Variants in AKAP9 observed in about 807,000 individuals in gnomAD.
The protein encoded by AKAP9 is A-kinase anchoring protein 9, also known as A-kinase anchor protein 9.
Under a neutral mutation model 488.5 loss-of-function variants are expected in AKAP9, and 311 were observed. The ratio of observed to expected loss-of-function variants is 0.64; its 90% CI spans 0.58 to 0.70. The LOEUF is 0.70. Among genes scored for constraint, AKAP9 ranks in the 30% least tolerant of loss-of-function variants. The pLI, the probability that AKAP9 is intolerant of heterozygous loss-of-function variation, is 0.00. For synonymous variants in AKAP9, 1,462 were observed against 1,483.5 expected (o/e 0.99, Z 0.33); for missense variants, 4,215 against 4,374.5 (o/e 0.96, Z 1.03).
chr7:92,102,807 G>A lies in AKAP9; in HGVS notation c.11311G>A (p.Val3771Ile), dbSNP rs758115766. ...GFTRFRSAVR[V>I]SIAISRMKFL... ...CACCAGGTTTCGGTCGGCCGTCAGAGTATCCATTGCAATTTCCAGGTAAAG... is the reference window on the plus strand; with the variant it reads ...CACCAGGTTTCGGTCGGCCGTCAGAATATCCATTGCAATTTCCAGGTAAAG... The change falls in exon 46 of 50, where the codon GTA (valine) becomes ATA (isoleucine). Residue 3771 changes from valine to isoleucine, a missense_variant. Around this residue, in one of 5 missense-constraint regions of AKAP9, gnomAD observed 253 missense variants for 266.8 expected, o/e 0.95. Transcript: ENST00000356239. 3.1e-6 allele frequency: 5 copies of A among 1,613,998 alleles called. No homozygotes were observed. In the Admixed American group the frequency reaches 6.7e-5, roughly 22 times the overall value.
intron 1 of AKAP9, among the ~76,000 whole-genome samples, chr7:91,944,054 T>C (rs1048376523): frequency 6.6e-6 from 1 of 152,206 alleles, no homozygotes; most frequent in Non-Finnish European, 1.5e-5. Flanking sequence ...GTTTGTCATG[T>C]ATGCAGTATA....
At chr7:92,045,561 T>G (rs776127544) in intron 21 of AKAP9, among the ~76,000 whole-genome samples, 1 of 152,192 alleles carries the variant, frequency 6.6e-6, no homozygotes, top group Admixed American at 6.5e-5. Flanking sequence ...TCCTATAGAT[T>G]AAGGAAAGAT....
chr7:91,995,839 C>T (rs760014024), intron 7 of AKAP9, 39 bp downstream of exon 7: 3 of 1,492,788 alleles, frequency 2.0e-6, no homozygotes, highest in Non-Finnish European at 2.7e-6. Context: ...CTTGTAGAAG[C>T]TTTAGAGTTT....
chr7:92,083,738 G>A, intron 33 of AKAP9, 83 bp downstream of exon 33: 1 of 1,468,568 alleles, frequency 6.8e-7, no homozygotes, highest in Non-Finnish European at 9.2e-7. Context: ...TTTTGTAGAT[G>A]ACAAACCAAA....
chr7:92,073,326 C>A (rs918167169), intron 28 of AKAP9, among the ~76,000 whole-genome samples: 2 of 145,288 alleles, frequency 1.4e-5, no homozygotes. Context: ...GAAACCCCAT[C>A]TCTACTAAAA....
At chr7:92,003,326 T>C in intron 8 of AKAP9, 91 bp downstream of exon 8, 1 of 980,114 alleles carries the variant, frequency 1.0e-6, no homozygotes, top group Non-Finnish European at 1.5e-6. Context: ...TAAGTTCATA[T>C]CCTTACAAGA....
In AKAP9 at chr7:92,003,020, G is replaced by A; in HGVS notation, c.3103G>A (p.Val1035Ile). 1 of 1,613,458 alleles carries A rather than the reference G, an allele frequency of 6.2e-7. No homozygotes were observed. The highest frequency in any genetic ancestry group is 2.2e-5 in the East Asian group (1 of 44,832). The change falls in exon 8 of 50, where the codon GTT (valine) becomes ATT (isoleucine). Residue 1035 changes from valine to isoleucine, a missense_variant. Val to Ile is a conservative substitution (Grantham distance 29, BLOSUM62 3). This residue lies in a region of AKAP9 where 2,361 missense variants were observed against 2,430.0 expected (regional missense o/e 0.97). Transcript: ENST00000356239. ...GACAAGCAGGGGTGCTGAAGGATCA[G>A]TTTCTAAAGTAAATAAAAGTTTTGG... ...TMTSRGAEGS[V>I]SKVNKSFGEE... is the part of the protein sequence containing the mutation.
intron 15 of AKAP9, among the ~76,000 whole-genome samples, chr7:92,031,251 T>C (rs1804186565): frequency 6.6e-6 from 1 of 152,196 alleles, no homozygotes; most frequent in Admixed American, 6.5e-5. Context: ...TTTCCCACTC[T>C]AGAACTGTAT....
At chr7:92,014,097 A>C in intron 9 of AKAP9, 152 bp from the exon 10 acceptor site, 1 of 645,424 alleles carries the variant, frequency 1.5e-6, no homozygotes, top group Non-Finnish European at 2.7e-6. Context: ...AGTTTCTGAG[A>C]CAATGTTGAG....
At chr7:91,969,036 C>G (rs1036317335) in intron 1 of AKAP9, among the ~76,000 whole-genome samples, 1 of 151,634 alleles carries the variant, frequency 6.6e-6, no homozygotes, top group Non-Finnish European at 1.5e-5. Context: ...CATGCCTAGC[C>G]AATGTTTTGA....
Position 92,096,972 on chromosome 7 carries a change from C to G in AKAP9, c.10013C>G (p.Pro3338Arg), listed in dbSNP as rs1816700786. The change falls in exon 41 of 50, where the codon CCC becomes CGC. Residue 3338 changes from proline to arginine, a missense_variant. Physicochemically the swap from Pro to Arg is moderately radical, Grantham distance 103. This residue lies in a region of AKAP9 where 1,476 missense variants were observed against 1,477.4 expected (regional missense o/e 1.00). Coordinates refer to ENST00000356239, the MANE Select transcript of AKAP9 (RefSeq NM_005751.5). Reference sequence around the variant, plus strand: ...GATGGTACTGGACAGTCTCGGCCACCCTTGCCCTCAGAGGACCTACTGAAA... The same window carrying G: ...GATGGTACTGGACAGTCTCGGCCACGCTTGCCCTCAGAGGACCTACTGAAA... Reference protein sequence around the residue: ...SSDGTGQSRPPLPSEDLLKEL... With the variant: ...SSDGTGQSRPRLPSEDLLKEL... 9.9e-6 allele frequency: 16 copies of G among 1,614,004 alleles called. No individual in the cohort carries two copies. The highest frequency in any genetic ancestry group is 1.4e-5 in the Non-Finnish European group (16 of 1,179,980).
chr7:92,068,019 A>G (rs906786827), intron 26 of AKAP9, among the ~76,000 whole-genome samples: 1 of 152,112 alleles, frequency 6.6e-6, no homozygotes, highest in South Asian at 2.1e-4. Context: ...CAGAGTGCCA[A>G]TAAACTCCTT....
At chr7:92,041,884 G>A (rs1238011993) in intron 18 of AKAP9, 162 bp from the exon 19 acceptor site, 5 of 642,752 alleles carry the variant, frequency 7.8e-6, no homozygotes, top group Non-Finnish European at 7.6e-6. Context: ...TTTAAATTTT[G>A]CATTGATCTT....
At chr7:92,086,173 T>C in intron 36 of AKAP9, 55 bp from the exon 37 acceptor site, 1 of 1,380,074 alleles carries the variant, frequency 7.2e-7, no homozygotes, top group South Asian at 1.2e-5. Flanking sequence ...ATTTTTAGAA[T>C]GTTTTTAAAA....
At chr7:92,044,305 C>T (rs539637320) in intron 20 of AKAP9, among the ~76,000 whole-genome samples, 2 of 152,196 alleles carry the variant, frequency 1.3e-5, no homozygotes, top group South Asian at 4.2e-4. Flanking sequence ...CAGGTTTCTT[C>T]TGCCGACTTA....
rs773421848 is a variant in AKAP9 at position 92,080,189 on chromosome 7, C to T, written c.8019+37C>T. The T allele has an allele frequency of 2.1e-6, 3 of 1,436,994 alleles. No individual in the cohort carries two copies. The South Asian group carries it at 3.7e-5, about 18-fold the overall frequency. The allele number at this position is 1,436,994 out of a possible 1,614,324, so 89.0% of individuals were successfully genotyped here. On this transcript the variant is annotated intron_variant, in intron 31 of 49. Coordinates refer to ENST00000356239, the MANE Select transcript of AKAP9 (RefSeq NM_005751.5). ...ATTTTATTAGTTTCATTTAAATACC[C>T]CAAGAAACTAAGCTGATTGCTAATT...
chr7:91,954,354 TACTC>T (rs1255457321), intron 1 of AKAP9, among the ~76,000 whole-genome samples: 2 of 152,132 alleles, frequency 1.3e-5, no homozygotes, highest in African/African-American at 2.4e-5. Flanking sequence ...GCATGATCAT[TACTC>T]ACTGCAGCCT....
intron 1 of AKAP9, chr7:91,970,436 TG>T: frequency 2.2e-6 from 1 of 455,320 alleles, no homozygotes; most frequent in Non-Finnish European, 4.4e-6. Flanking sequence ...TACCTTTACA[TG>T]TTTTGTTTTT....
chr7:91,949,673 A>G (rs1044940660), intron 1 of AKAP9, among the ~76,000 whole-genome samples: 1 of 152,178 alleles, frequency 6.6e-6, no homozygotes, highest in African/African-American at 2.4e-5. Context: ...GGTACATTGC[A>G]TAAAGCTTTG....
Sources: allele counts gnomAD v4.1 joint callset (sites outside exome capture counted in the v4.1 genomes callset), GRCh38; gene constraint gnomAD v4.1.1; regional missense constraint gnomAD v4.1.1; transcripts MANE v1.5; gene names NCBI Gene and HGNC (gene_info 2026-07-23, HGNC 2026-07-21).